Variants in ZMIZ1 observed in about 807,000 individuals in gnomAD.
The protein encoded by ZMIZ1 is zinc finger MIZ-type containing 1.
ZMIZ1 carries 17 observed loss-of-function variants against 113.9 expected under a neutral mutation model. The observed-to-expected ratio is 0.15, with a 90% CI of 0.10 to 0.22. The LOEUF is 0.22. Among genes scored for constraint, ZMIZ1 ranks in the 10% least tolerant of loss-of-function variants. ZMIZ1 has a pLI of 1.00. For synonymous variants in ZMIZ1, 607 were observed against 603.1 expected (o/e 1.01, Z -0.09); for missense variants, 1,059 against 1,477.8 (o/e 0.72, Z 4.65).
chr10:79,224,105 A>C (rs1849105164), intron 7 of ZMIZ1, among the ~76,000 whole-genome samples: 1 of 152,204 alleles, frequency 6.6e-6, no homozygotes, highest in Non-Finnish European at 1.5e-5. Context: ...GCTTACATGT[A>C]ATATTAACTT....
chr10:79,308,283 A>G (rs1854870270), intron 23 of ZMIZ1, among the ~76,000 whole-genome samples: 1 of 152,224 alleles, frequency 6.6e-6, no homozygotes. Context: ...AGGTGTAAGC[A>G]AGACAGACAG....
At chr10:79,257,416 A>G (rs1030425522) in intron 7 of ZMIZ1, among the ~76,000 whole-genome samples, 1 of 152,266 alleles carries the variant, frequency 6.6e-6, no homozygotes, top group African/African-American at 2.4e-5. Context: ...ACTGGGCACC[A>G]TCTAGAGTTG....
intron 6 of ZMIZ1, among the ~76,000 whole-genome samples, chr10:79,214,520 T>C (rs551716529): frequency 1.2e-4 from 19 of 152,180 alleles, no homozygotes; most frequent in Non-Finnish European, 2.6e-4. Context: ...TTGTTTTAAA[T>C]TGGCCTAGGT....
intron 5 of ZMIZ1, among the ~76,000 whole-genome samples, chr10:79,206,077 C>CA (rs947672766): frequency 1.3e-5 from 2 of 150,986 alleles, no homozygotes; most frequent in African/African-American, 4.9e-5. Context: ...CACTACCCCC[C>CA]AGCCTGGGTG....
chr10:79,194,931 G>T (rs1847771022), intron 4 of ZMIZ1, among the ~76,000 whole-genome samples: 1 of 152,230 alleles, frequency 6.6e-6, no homozygotes, highest in Non-Finnish European at 1.5e-5. Flanking sequence ...GGAAGACCGA[G>T]CTGACCCCAT....
intron 1 of ZMIZ1, among the ~76,000 whole-genome samples, chr10:79,076,471 C>T (rs1261741649): frequency 1.3e-5 from 2 of 152,150 alleles, no homozygotes; most frequent in East Asian, 3.9e-4. Context: ...GTGGAACACT[C>T]CTGGTCTGGC....
At chr10:79,294,007 G>C (rs1853700566) in intron 12 of ZMIZ1, 1 of 379,770 alleles carries the variant, frequency 2.6e-6, no homozygotes, top group Admixed American at 3.6e-5. Context: ...CCTGGGTTTA[G>C]TTCCTCCTGC....
At chr10:79,165,491 C>T (rs1311060968) in intron 4 of ZMIZ1, among the ~76,000 whole-genome samples, 1 of 151,812 alleles carries the variant, frequency 6.6e-6, no homozygotes, top group Non-Finnish European at 1.5e-5. Flanking sequence ...TAGCGTGTGC[C>T]TGTGTATGGG....
intron 1 of ZMIZ1, among the ~76,000 whole-genome samples, chr10:79,106,604 C>T (rs368321207): frequency 1.3e-5 from 2 of 152,246 alleles, no homozygotes; most frequent in Non-Finnish European, 2.9e-5. Flanking sequence ...GCTCCTTGGC[C>T]GGTCTTTGCC....
chr10:79,133,607 C>T (rs1175299126), intron 2 of ZMIZ1, among the ~76,000 whole-genome samples: 1 of 152,164 alleles, frequency 6.6e-6, no homozygotes, highest in African/African-American at 2.4e-5. Flanking sequence ...GCGACGCATG[C>T]CTGGCCTGAA....
rs1853696329 is a variant in ZMIZ1 at position 79,293,939 on chromosome 10, A to G, written c.1230+286A>G. 4 of 548,718 alleles carry G rather than the reference A, an allele frequency of 7.3e-6. No homozygotes were observed. The South Asian group carries it at 8.5e-5, about 12-fold the overall frequency. The allele number at this position is 548,718 out of a possible 1,614,324, so 34.0% of individuals were successfully genotyped here. ...GGCTGGCATGTGCCGCCACTCAGCA[A>G]GCAGCAGTTCCTCTTACTGTAGTGA... On this transcript the variant is annotated intron_variant, in intron 12 of 24. Coordinates refer to ENST00000334512, the MANE Select transcript of ZMIZ1 (RefSeq NM_020338.4).
chr10:79,198,820 G>A (rs918064877), intron 4 of ZMIZ1, among the ~76,000 whole-genome samples: 1 of 152,026 alleles, frequency 6.6e-6, no homozygotes, highest in African/African-American at 2.4e-5. Flanking sequence ...GATTGCCTGA[G>A]GTCGGGAGTT....
intron 6 of ZMIZ1, among the ~76,000 whole-genome samples, chr10:79,211,940 C>A (rs1848545316): frequency 1.3e-5 from 2 of 152,180 alleles, no homozygotes; most frequent in African/African-American, 4.8e-5. Flanking sequence ...ATGAGGACGC[C>A]CTGCAGCTTC....
intron 1 of ZMIZ1, among the ~76,000 whole-genome samples, chr10:79,116,561 A>G (rs900524387): frequency 2.0e-5 from 3 of 152,140 alleles, no homozygotes; most frequent in African/African-American, 7.2e-5. Context: ...GGGGGTGCAC[A>G]GAAGAGTGAG....
chr10:79,194,852 C>A (rs1010073341), intron 4 of ZMIZ1, among the ~76,000 whole-genome samples: 10 of 152,244 alleles, frequency 6.6e-5, no homozygotes, highest in Admixed American at 5.2e-4. Flanking sequence ...AGCATAGACA[C>A]CCTCGCTCTG....
At chr10:79,122,298 CCAGGA>C (rs1844326154) in intron 2 of ZMIZ1, among the ~76,000 whole-genome samples, 1 of 152,114 alleles carries the variant, frequency 6.6e-6, no homozygotes, top group African/African-American at 2.4e-5. Context: ...CCCAAGCAGT[CCAGGA>C]CAGAAGCTTT....
rs1853931281 is a variant in ZMIZ1, at chr10:79,296,853, C to T, written c.1413+200C>T. On this transcript the variant is annotated intron_variant, in intron 13 of 24. Coordinates refer to ENST00000334512, the MANE Select transcript of ZMIZ1 (RefSeq NM_020338.4). The surrounding 1 kb of genome is among the most constrained non-coding windows in gnomAD (Gnocchi z 4.1). ...AGAGTGGCTTTTCTCAGTTCCTATT[C>T]TCATTCGTCTCGGATGATGGTTTTT... The T allele has an allele frequency of 2.3e-6, 1 of 428,722 alleles. No homozygotes were observed. Among genetic ancestry groups the T allele is most frequent in the East Asian group, 3.6e-5 (1 of 28,108 alleles). 26.6% of individuals were successfully genotyped at this position (428,722 alleles called of 1,614,324 possible).
chr10:79,149,114 C>T lies in ZMIZ1; in HGVS notation c.-131+9337C>T, dbSNP rs138607124. Among the ~76,000 whole-genome samples the T allele has an allele frequency of 3.9e-3, 599 of 152,290 alleles. 4 individuals are homozygous for T. Among genetic ancestry groups the T allele is most frequent in the African/African-American group, 0.013 (548 of 41,560 alleles). ...CTTCATGAGGAGGCCCTTGGGCTGCCTTTGGTACAGGCAGGAGACCTGGAT... is the reference window on the plus strand; with the variant it reads ...CTTCATGAGGAGGCCCTTGGGCTGCTTTTGGTACAGGCAGGAGACCTGGAT... On this transcript the variant is annotated intron_variant, in intron 3 of 24. Transcript: ENST00000334512.
intron 11 of ZMIZ1, 40 bp from the exon 12 acceptor site, chr10:79,293,341 T>A (rs1160814659): frequency 1.3e-6 from 2 of 1,507,540 alleles, no homozygotes; most frequent in African/African-American, 1.4e-5. Context: ...TTTATTCTTT[T>A]TTTTTTCTTC....
Sources: gnomAD v4.1 joint callset for allele counts (sites outside exome capture counted in the v4.1 genomes callset) on GRCh38, gnomAD v4.1.1 for gene constraint, Gnocchi (gnomAD v3.1) non-coding constraint, MANE v1.5 for transcripts, NCBI Gene and HGNC (gene_info 2026-07-23, HGNC 2026-07-21) for gene names.